MAP3K21: variants seen among roughly 807,000 people sequenced by gnomAD.
MAP3K21 encodes the protein mitogen-activated protein kinase kinase kinase MLK4.
In MAP3K21, 63 loss-of-function variants were observed where a neutral mutation model predicts 86.1. The ratio of observed to expected loss-of-function variants is 0.73; its 90% CI spans 0.60 to 0.90. The LOEUF (loss-of-function observed/expected upper bound fraction) is 0.90. MAP3K21 is among the 40% of genes least tolerant of loss of function. The probability of loss-of-function intolerance (pLI) is 0.00; values close to 1 mark genes in which losing one functional copy is unlikely to be tolerated. For synonymous variants in MAP3K21, 558 were observed against 564.8 expected, an observed-to-expected ratio of 0.99 and a Z score of 0.17; for missense variants, 1,220 against 1,367.7, an observed-to-expected ratio of 0.89 and a Z score of 1.70.
At position 233,346,599 on chromosome 1, in the gene MAP3K21, T is replaced by G; in HGVS notation, c.963T>G (p.Phe321Leu). The G allele has an allele frequency of 6.2e-7, 1 of 1,613,458 alleles. No homozygotes were observed. Among genetic ancestry groups the G allele is most frequent in the Non-Finnish European group, 8.5e-7 (1 of 1,179,798 alleles). Residue 321 changes from phenylalanine (F) to leucine (L), a missense_variant, in exon 2 of 10, where the codon TTT becomes TTG. Physicochemically the swap from Phe to Leu is conservative, Grantham distance 22. This residue lies in a region of MAP3K21 where 89 missense variants were observed against 144.8 expected (regional missense o/e 0.61). Transcript: ENST00000366624. ...MAPEVIKSSL[F>L]SKGSDIWSYG... ...CCGAAGTGATCAAGTCTTCCTTGTT[T>G]TCTAAGGGAAGCGACATCTGGAGGT...
At chr1:233,376,302 C>A in intron 7 of MAP3K21, 128 bp from the exon 8 acceptor site, 1 of 760,398 alleles carries the variant, frequency 1.3e-6, no homozygotes, top group African/African-American at 1.8e-5. Flanking sequence ...ACTTTGTCAG[C>A]CCTTCAAAAC....
chr1:233,379,128 A>T lies in MAP3K21; in HGVS notation c.2122A>T (p.Asn708Tyr), dbSNP rs1298159227. The change falls in exon 9 of 10, where the codon AAT (asparagine) becomes TAT (tyrosine). Residue 708 changes from asparagine (N) to tyrosine (Y), a missense_variant. Around this residue, in one of 5 missense-constraint regions of MAP3K21, gnomAD observed 632 missense variants for 691.3 expected, o/e 0.91. Transcript: ENST00000366624. ...AGTCTCCATTGAGATGACTCCTACG[A>T]ATAGTCTGAGTAGATCCCCCCAGAG... ...ATVSIEMTPTNSLSRSPQRKK... is the reference protein window; with the variant it reads ...ATVSIEMTPTYSLSRSPQRKK... The T allele has an allele frequency of 6.2e-7, 1 of 1,614,018 alleles. No homozygotes were observed. The highest frequency in any genetic ancestry group is 8.5e-7 in the Non-Finnish European group (1 of 1,179,966).
chr1:233,354,152 C>T (rs957865387), intron 3 of MAP3K21, among the ~76,000 whole-genome samples, 197 bp downstream of exon 3: 13 of 152,128 alleles, frequency 8.5e-5, no homozygotes, highest in Non-Finnish European at 1.8e-4. Flanking sequence ...AGTAGCTTAC[C>T]TACAATCCAG....
chr1:233,384,423 T>A lies in MAP3K21; in HGVS notation c.*1712T>A, dbSNP rs1317271653. Reference sequence around the variant, plus strand: ...ATACTTAATACGTTTTCTTGTTTTATCATCTGTTCTATGATTCGGCTTCAC... The same window carrying A: ...ATACTTAATACGTTTTCTTGTTTTAACATCTGTTCTATGATTCGGCTTCAC... On this transcript the variant is annotated 3_prime_UTR_variant, in exon 10 of 10. Coordinates refer to ENST00000366624, the MANE Select transcript of MAP3K21 (RefSeq NM_032435.3). The A allele has an allele frequency of 6.6e-6, 1 of 152,222 alleles. No homozygotes were observed. The highest frequency in any genetic ancestry group is 1.5e-5 in the Non-Finnish European group (1 of 68,034). The allele number at this position is 152,222 out of a possible 1,614,324, so 9.4% of individuals were successfully genotyped here.
intron 9 of MAP3K21, among the ~76,000 whole-genome samples, chr1:233,382,012 T>C (rs532798442): frequency 6.6e-6 from 1 of 152,324 alleles, no homozygotes; most frequent in African/African-American, 2.4e-5. Context: ...ACAAATATAA[T>C]TTCCATAGGT....
At position 233,362,217 on chromosome 1, in the gene MAP3K21, G is replaced by A. The variant is rs1415745423; in HGVS notation, c.1476G>A (p.Lys492=). ...LIFQLNQEKP[K]VKKRKGKFKR... ...TCCAGCTAAACCAGGAGAAGCCCAA[G>A]GTAAAGAAGAGGAAGGGCAAGTTTA... is the stretch of plus-strand genomic sequence containing the variant. Residue 492 remains lysine, a synonymous_variant, in exon 5 of 10, where the codon AAG becomes AAA. Coordinates refer to ENST00000366624, the MANE Select transcript of MAP3K21 (RefSeq NM_032435.3). 1 of 1,614,094 alleles carries A rather than the reference G, an allele frequency of 6.2e-7. No individual in the cohort carries two copies. The highest frequency in any genetic ancestry group is 2.2e-5 in the East Asian group (1 of 44,898).
At chr1:233,337,112 G>T (rs1362513040) in intron 1 of MAP3K21, among the ~76,000 whole-genome samples, 1 of 152,130 alleles carries the variant, frequency 6.6e-6, no homozygotes, top group African/African-American at 2.4e-5. Context: ...TATGTCTGGG[G>T]TCGGCAAATT....
chr1:233,369,985 G>T (rs898489291), intron 5 of MAP3K21, among the ~76,000 whole-genome samples: 2 of 152,120 alleles, frequency 1.3e-5, no homozygotes, highest in African/African-American at 4.8e-5. Context: ...ATCATGAGAG[G>T]CCTTTGAAGG....
At position 233,376,528 on chromosome 1, in the gene MAP3K21, G is replaced by C; in HGVS notation, c.1924+1G>C. 6.2e-7 allele frequency: 1 copy of C among 1,606,142 alleles called. No homozygotes were observed. The highest frequency in any genetic ancestry group is 8.5e-7 in the Non-Finnish European group (1 of 1,174,100). ...GCTTCATTGTTTGTGGACCAGCCAG[G>C]TAAATGTGTTTCAGGAGGTAGGATT... is the stretch of plus-strand genomic sequence containing the variant. On this transcript the variant is annotated splice_donor_variant, in intron 8 of 9. Transcript: ENST00000366624. LOFTEE classifies it high-confidence loss of function.
At chr1:233,337,268 T>G (rs942130989) in intron 1 of MAP3K21, among the ~76,000 whole-genome samples, 2 of 152,360 alleles carry the variant, frequency 1.3e-5, no homozygotes, top group East Asian at 3.9e-4. Flanking sequence ...CCAATAAAAC[T>G]TTATTTACAA....
Position 233,376,066 on chromosome 1 carries a change from G to A in MAP3K21, c.1826G>A (p.Arg609Lys), listed in dbSNP as rs1440648439. ...AAAGATAGAACAGATTGCAAAGAAA[G>A]GTACGTGTGTGGTATCTGGTGGTAT... ...QMKDRTDCKE[R>K]IRPLSDGNSP... The change falls in exon 7 of 10, where the codon AGG becomes AAG. Residue 609 changes from arginine to lysine, a missense_variant and splice_region_variant. This residue lies in a region of MAP3K21 where 632 missense variants were observed against 691.3 expected (regional missense o/e 0.91). Coordinates refer to ENST00000366624, the MANE Select transcript of MAP3K21 (RefSeq NM_032435.3). The A allele has an allele frequency of 6.3e-7, 1 of 1,599,722 alleles. No homozygotes were observed. Among genetic ancestry groups the A allele is most frequent in the African/African-American group, 1.4e-5 (1 of 73,838 alleles).
chr1:233,336,961 C>T (rs1662928568), intron 1 of MAP3K21, among the ~76,000 whole-genome samples: 1 of 152,180 alleles, frequency 6.6e-6, no homozygotes, highest in African/African-American at 2.4e-5. Flanking sequence ...TGGCGTATGA[C>T]TCTGGGAAAA....
At position 233,358,093 on chromosome 1, in the gene MAP3K21, T is replaced by C. The variant is rs72755615; in HGVS notation, c.1311+3082T>C. ...TTTTTTATACTTTAAGTTCTAGGTG[T>C]GCCTGATGGTTTTGAGGCCTCTGAC... On this transcript the variant is annotated intron_variant, in intron 4 of 9. Coordinates refer to ENST00000366624, the MANE Select transcript of MAP3K21 (RefSeq NM_032435.3). Among the ~76,000 whole-genome samples, 619 of 151,520 alleles carry C rather than the reference T, an allele frequency of 4.1e-3. 5 individuals are homozygous for C. The highest frequency in any genetic ancestry group is 6.8e-3 in the Middle Eastern group (2 of 294).
Position 233,379,008 on chromosome 1 carries a change from G to T in MAP3K21, c.2002G>T (p.Ala668Ser). The T allele has an allele frequency of 1.2e-6, 2 of 1,614,164 alleles. No individual in the cohort carries two copies. Among genetic ancestry groups the T allele is most frequent in the South Asian group, 2.2e-5 (2 of 91,086 alleles). Residue 668 changes from alanine to serine, a missense_variant, in exon 9 of 10, where the codon GCC becomes TCC. Coordinates refer to ENST00000366624, the MANE Select transcript of MAP3K21 (RefSeq NM_032435.3). ...AAAACAAATAAAATTGCCTAGTCAGGCCTACATTGATCTACCTCTTGGGAA... is the reference window on the plus strand; with the variant it reads ...AAAACAAATAAAATTGCCTAGTCAGTCCTACATTGATCTACCTCTTGGGAA... ...KPKQIKLPSQ[A>S]YIDLPLGKDA... is the part of the protein sequence containing the mutation.
Position 233,371,650 on chromosome 1 carries a change from G to A in MAP3K21, c.1553-388G>A, listed in dbSNP as rs113234948. Among the ~76,000 whole-genome samples the A allele has an allele frequency of 8.6e-3, 1,312 of 152,132 alleles. 12 individuals carry two copies. Among genetic ancestry groups the A allele is most frequent in the African/African-American group, 0.03 (1,236 of 41,512 alleles). ...ATTGGGATTTCAGGCATGAGCCACC[G>A]TGTTCAGACTTAATTTTAACTATCT... On this transcript the variant is annotated intron_variant, in intron 5 of 9. Coordinates refer to ENST00000366624, the MANE Select transcript of MAP3K21 (RefSeq NM_032435.3).
chr1:233,371,145 A>G, intron 5 of MAP3K21, among the ~76,000 whole-genome samples: 1 of 152,206 alleles, frequency 6.6e-6, no homozygotes, highest in Middle Eastern at 3.2e-3. Flanking sequence ...AATAAGAGCC[A>G]GCATTTGTAG....
chr1:233,328,457 G>A lies in MAP3K21; in HGVS notation c.429G>A (p.Trp143Ter). The A allele has an allele frequency of 6.7e-7, 1 of 1,496,944 alleles. No homozygotes were observed. The highest frequency in any genetic ancestry group is 1.4e-5 in the African/African-American group (1 of 69,232). 92.7% of individuals were successfully genotyped at this position (1,496,944 alleles called of 1,614,324 possible). The change falls in exon 1 of 10, where the codon TGG becomes TGA. Residue 143 changes from tryptophan to a stop codon, truncating the protein, a stop_gained. Coordinates refer to ENST00000366624, the MANE Select transcript of MAP3K21 (RefSeq NM_032435.3). LOFTEE classifies it high-confidence loss of function. This position sits in a 1 kb window ranked among gnomAD's most constrained non-coding sequence, Gnocchi z 8.7. ...TCGGGCAGGTGTACCGCGCCACCTGGCAGGGCCAGGAGGTGGCCGTGAAGG... is the reference window on the plus strand; with the variant it reads ...TCGGGCAGGTGTACCGCGCCACCTGACAGGGCCAGGAGGTGGCCGTGAAGG... ...GGFGQVYRAT[W>*]QGQEVAVKAA...
intron 2 of MAP3K21, among the ~76,000 whole-genome samples, chr1:233,348,418 C>T (rs1663189153): frequency 6.6e-6 from 1 of 152,134 alleles, no homozygotes; most frequent in Non-Finnish European, 1.5e-5. Flanking sequence ...CAATTTTTGG[C>T]GACTGCAAAT....
intron 6 of MAP3K21, chr1:233,373,758 A>G (rs966993819): frequency 1.8e-4 from 27 of 152,278 alleles, no homozygotes; most frequent in African/African-American, 5.8e-4. Flanking sequence ...AGAAGTTACC[A>G]TTAAGCTGAC....
Sources: allele counts gnomAD v4.1 joint callset (sites outside exome capture counted in the v4.1 genomes callset), GRCh38; gene constraint gnomAD v4.1.1; regional missense constraint gnomAD v4.1.1; non-coding constraint Gnocchi (gnomAD v3.1); transcripts MANE v1.5; gene names NCBI Gene and HGNC (gene_info 2026-07-23, HGNC 2026-07-21).